The following CTBP2 variants were observed in gnomAD, a reference collection of about 807,000 sequenced individuals.
CTBP2 encodes C-terminal-binding protein 2.
CTBP2 carries 30 observed loss-of-function variants against 80.3 expected under a neutral mutation model. The ratio of observed to expected loss-of-function variants is 0.37; its 90% confidence interval spans 0.28 to 0.51. The LOEUF (loss-of-function observed/expected upper bound fraction) is 0.51. Ranked by LOEUF, CTBP2 falls within the 20% of genes least tolerant of loss-of-function variation. CTBP2 has a pLI of 0.93. For synonymous variants in CTBP2, 594 were observed against 587.4 expected, an observed-to-expected ratio of 1.01 and a Z score of -0.16; for missense variants, 1,212 against 1,375.3, an observed-to-expected ratio of 0.88 and a Z score of 1.88.
chr10:125,018,749 G>T (rs1470614342), intron 1 of CTBP2, among the ~76,000 whole-genome samples: 3 of 152,210 alleles, frequency 2.0e-5, no homozygotes, highest in Admixed American at 2.0e-4. Flanking sequence ...GAGGCACCGT[G>T]TTCATATCTA....
At chr10:125,102,561 T>C (rs557043133) in intron 2 of CTBP2, among the ~76,000 whole-genome samples, 1 of 152,336 alleles carries the variant, frequency 6.6e-6, no homozygotes, top group South Asian at 2.1e-4. Flanking sequence ...GAGTCCTCCT[T>C]CCCAGAGGAA....
Position 125,064,210 on chromosome 10 carries a change from C to T in CTBP2, c.-101-25055G>A, listed in dbSNP as rs144995328. 2.7e-3 allele frequency among the ~76,000 whole-genome samples: 408 copies of T among 152,270 alleles called. 1 individual carries two copies. Among genetic ancestry groups the T allele is most frequent in the African/African-American group, 9.1e-3 (379 of 41,542 alleles). On this transcript the variant is annotated intron_variant, in intron 2 of 10. Transcript: ENST00000337195. ...TTTTCACCAGAGTTTGCCTGGGAGC[C>T]GGGACATCCCTATCATTTTATGGGC...
At chr10:125,104,662 A>T (rs1351619195) in intron 2 of CTBP2, among the ~76,000 whole-genome samples, 1 of 151,612 alleles carries the variant, frequency 6.6e-6, no homozygotes, top group Admixed American at 6.6e-5. Context: ...TTCTTTGAAA[A>T]CCTCCTATTT....
intron 2 of CTBP2, among the ~76,000 whole-genome samples, chr10:125,101,215 C>A (rs1457097792): frequency 6.6e-6 from 1 of 152,228 alleles, no homozygotes; most frequent in East Asian, 1.9e-4. Flanking sequence ...ATCTAACCGC[C>A]TTTCATGTGA....
rs763529218 is a variant in CTBP2, at chr10:124,984,980, TGAA to T, written c.*4535_*4537del. The T allele has an allele frequency of 2.5e-6, 4 of 1,607,122 alleles. No homozygotes were observed. The highest frequency in any genetic ancestry group is 3.4e-6 in the Non-Finnish European group (4 of 1,176,656). On this transcript the variant is annotated 3_prime_UTR_variant, in exon 9 of 9. Transcript: ENST00000309035. ...CTGATGGAGAGGAAGATGAGGATGA[TGAA>T]GATGAATGAAAAAAAAAATCAAACA...
chr10:125,119,249 C>CA (rs1201451306), intron 1 of CTBP2, among the ~76,000 whole-genome samples: 1 of 152,228 alleles, frequency 6.6e-6, no homozygotes, highest in Non-Finnish European at 1.5e-5. Flanking sequence ...GGTTTTAATG[C>CA]AAGATCCCCT....
At chr10:125,102,234 T>C (rs78887032) in intron 2 of CTBP2, among the ~76,000 whole-genome samples, 4,694 of 152,306 alleles carry the variant, frequency 0.031, 107 homozygotes, top group Middle Eastern at 0.071. Flanking sequence ...GTAAACATTT[T>C]TTGGCCATAC....
chr10:125,021,973 G>T (rs766022035), intron 1 of CTBP2, among the ~76,000 whole-genome samples: 35 of 152,232 alleles, frequency 2.3e-4, no homozygotes, highest in Non-Finnish European at 8.8e-5. Flanking sequence ...TGGCTATGTG[G>T]CTCCACAATG....
At chr10:125,149,182 G>A (rs1289432959) in intron 1 of CTBP2, among the ~76,000 whole-genome samples, 1 of 152,140 alleles carries the variant, frequency 6.6e-6, no homozygotes, top group Admixed American at 6.5e-5. Flanking sequence ...CACAAGGCCC[G>A]GCTCACAGGA....
At chr10:125,023,571 T>C (rs1348300829) in intron 1 of CTBP2, among the ~76,000 whole-genome samples, 1 of 152,134 alleles carries the variant, frequency 6.6e-6, no homozygotes, top group Non-Finnish European at 1.5e-5. Flanking sequence ...TGCCAGGTGC[T>C]GCCACTCACG....
intron 1 of CTBP2, among the ~76,000 whole-genome samples, chr10:125,019,251 C>T (rs964123712): frequency 6.6e-6 from 1 of 152,144 alleles, no homozygotes; most frequent in African/African-American, 2.4e-5. Context: ...GACAACTGCA[C>T]GTTTAATCAC....
chr10:125,052,801 C>T (rs1963082211), intron 2 of CTBP2, among the ~76,000 whole-genome samples: 1 of 152,216 alleles, frequency 6.6e-6, no homozygotes, highest in African/African-American at 2.4e-5. Context: ...CCCATGGGAG[C>T]CCAGACGGAG....
chr10:125,134,163 A>C (rs1856608669), intron 1 of CTBP2, among the ~76,000 whole-genome samples: 1 of 152,190 alleles, frequency 6.6e-6, no homozygotes, highest in African/African-American at 2.4e-5. Context: ...AGCCCCAACG[A>C]CCAGATTTAA....
At chr10:125,071,878 G>C (rs371778243) in intron 2 of CTBP2, among the ~76,000 whole-genome samples, 1 of 151,988 alleles carries the variant, frequency 6.6e-6, no homozygotes, top group South Asian at 2.1e-4. Flanking sequence ...AGCAGGAAAC[G>C]GAATCTGGCA....
chr10:124,989,199 A>C lies in CTBP2; in HGVS notation c.*319T>G, dbSNP rs373044432. 5.9e-6 allele frequency: 2 copies of C among 336,500 alleles called. No homozygotes were observed. Among genetic ancestry groups the C allele is most frequent in the South Asian group, 2.6e-5 (1 of 38,692 alleles). The allele number at this position is 336,500 out of a possible 1,614,324, so 20.8% of individuals were successfully genotyped here. ...TGCAACATTGTAGAGCAGGGTGTTC[A>C]GGACCTGCTGTGCCCAAGGGACTGA... On this transcript the variant is annotated 3_prime_UTR_variant, in exon 9 of 9. Coordinates refer to ENST00000309035, the MANE Select transcript of CTBP2 (RefSeq NM_022802.3).
intron 1 of CTBP2, among the ~76,000 whole-genome samples, chr10:125,112,580 C>T (rs1291820720): frequency 6.6e-6 from 1 of 152,100 alleles, no homozygotes; most frequent in African/African-American, 2.4e-5. Context: ...AGGCGCATGC[C>T]ACCATGCCCG....
intron 2 of CTBP2, among the ~76,000 whole-genome samples, chr10:125,082,181 C>A (rs12569889): frequency 6.6e-6 from 1 of 152,176 alleles, no homozygotes; most frequent in African/African-American, 2.4e-5. Flanking sequence ...CCCTCCTCCC[C>A]CCAGGCAGCC....
intron 1 of CTBP2, chr10:125,005,590 A>C: frequency 6.2e-7 from 1 of 1,612,690 alleles, no homozygotes; most frequent in Admixed American, 1.7e-5. Context: ...TGCAGCACAA[A>C]GCTGGATACC....
In CTBP2 at chr10:124,984,657, T is replaced by A; in HGVS notation, c.*4861A>T. On this transcript the variant is annotated 3_prime_UTR_variant, in exon 9 of 9. Transcript: ENST00000309035. ...AAGAGGTCAAAACCATGTGAAAAGT[T>A]GATTGCTTTGGCCTTTTCATGAGTT... The A allele has an allele frequency of 1.0e-6, 1 of 997,912 alleles. No homozygotes were observed. The highest frequency in any genetic ancestry group is 2.8e-5 in the Admixed American group (1 of 35,516). The allele number at this position is 997,912 out of a possible 1,614,324, so 61.8% of individuals were successfully genotyped here.
Sources: gnomAD v4.1 joint callset for allele counts (sites outside exome capture counted in the v4.1 genomes callset) on GRCh38, gnomAD v4.1.1 for gene constraint, MANE v1.5 for transcripts, NCBI Gene and HGNC (gene_info 2026-07-23, HGNC 2026-07-21) for gene names.